The following MORN1 variants were observed in gnomAD, a reference collection of about 807,000 sequenced individuals.
The protein encoded by MORN1 is MORN repeat containing 1.
Under a neutral mutation model 61.9 loss-of-function variants are expected in MORN1, and 67 were observed. That is an observed-to-expected ratio of 1.08 (90% CI 0.89 to 1.33). The LOEUF (loss-of-function observed/expected upper bound fraction) is 1.33, where lower values mean the gene tolerates loss of function less well. MORN1 is among the 40% of genes most tolerant of loss of function. The pLI is 0.00. For missense variants in MORN1, 752 were observed against 691.2 expected (o/e 1.09, Z -0.99); for synonymous variants, 301 against 292.0 (o/e 1.03, Z -0.31).
intron 6 of MORN1, among the ~76,000 whole-genome samples, chr1:2,381,997 CTT>C (rs969815568): frequency 3.9e-5 from 6 of 152,334 alleles, no homozygotes; most frequent in South Asian, 2.1e-4. Context: ...GGTCCTCTCT[CTT>C]GGCCCAGGGC....
chr1:2,389,708 C>T (rs962325551), intron 2 of MORN1, among the ~76,000 whole-genome samples: 2 of 152,248 alleles, frequency 1.3e-5, no homozygotes, highest in African/African-American at 4.8e-5. Flanking sequence ...TTCAAAGTCG[C>T]AGCTTCCTTT....
chr1:2,368,156 G>A (rs1432118576), intron 8 of MORN1, among the ~76,000 whole-genome samples: 1 of 152,258 alleles, frequency 6.6e-6, no homozygotes, highest in African/African-American at 2.4e-5. Flanking sequence ...TAAGGGGCTT[G>A]TGTCTAGAAT....
chr1:2,346,172 C>T (rs1641512437), intron 10 of MORN1, among the ~76,000 whole-genome samples: 1 of 152,052 alleles, frequency 6.6e-6, no homozygotes, highest in African/African-American at 2.4e-5. Flanking sequence ...CAGACAAAGC[C>T]ACCAGGGAAC....
At chr1:2,347,340 G>A (rs1361667419) in intron 10 of MORN1, among the ~76,000 whole-genome samples, 1 of 152,192 alleles carries the variant, frequency 6.6e-6, no homozygotes, top group African/African-American at 2.4e-5. Context: ...AGCTGCAGGT[G>A]GCAGATGGCC....
rs538256790 is a variant in MORN1, at chr1:2,323,198, G to C, written c.1297+899C>G. The C allele has an allele frequency of 1.2e-4, 121 of 985,410 alleles. 1 individual carries two copies. In the African/African-American group the frequency reaches 2.0e-3, roughly 16 times the overall value. The allele number at this position is 985,410 out of a possible 1,614,324, so 61.0% of individuals were successfully genotyped here. A position where few individuals can be genotyped will look rare whatever the true frequency, so the allele number is the denominator to read the frequency against. On this transcript the variant is annotated intron_variant, in intron 13 of 13. Transcript: ENST00000378531. ...GCTGTGGGACCACGGGGGACACCGCGTGGCACTCCAGCCGCTCCCGTCACC... is the reference window on the plus strand; with the variant it reads ...GCTGTGGGACCACGGGGGACACCGCCTGGCACTCCAGCCGCTCCCGTCACC...
chr1:2,387,360 G>C, intron 4 of MORN1, 59 bp downstream of exon 4: 1 of 1,268,046 alleles, frequency 7.9e-7, no homozygotes, highest in Non-Finnish European at 1.1e-6. Context: ...AGTGGACGTA[G>C]GATTCCATGT....
intron 12 of MORN1, chr1:2,326,111 G>A (rs762902003): frequency 7.9e-5 from 12 of 152,220 alleles, no homozygotes; most frequent in Non-Finnish European, 1.5e-4. Flanking sequence ...CCCACCCAGA[G>A]CTCGGAGAGA....
chr1:2,324,177 C>T (rs1351374345), intron 12 of MORN1, 34 bp from the exon 13 acceptor site: 1 of 1,576,314 alleles, frequency 6.3e-7, no homozygotes, highest in Non-Finnish European at 8.6e-7. Context: ...CCCTGAATGC[C>T]CTGCCTGGGC....
In MORN1 at chr1:2,389,983, G is replaced by A. The variant is rs34713178; in HGVS notation, c.90C>T (p.Tyr30=). The A allele has an allele frequency of 1.2e-5, 19 of 1,613,828 alleles. No individual in the cohort carries two copies. In the Admixed American group the frequency reaches 1.5e-4, roughly 13 times the overall value. The stretch of plus-strand genomic sequence containing the variant: ...ATCGAAAGAAGGAATTTGGGTATAC[G>A]TAGACACCATAACCTGAGTATTGAG... The part of the protein sequence containing the change: ...RRPPRNGYGV[Y]VYPNSFFRYE... The change falls in exon 2 of 14, where the codon TAC becomes TAT. Residue 30 remains tyrosine (Y), a synonymous_variant. Coordinates refer to ENST00000378531, the MANE Select transcript of MORN1 (RefSeq NM_024848.3).
intron 12 of MORN1, among the ~76,000 whole-genome samples, chr1:2,331,546 C>T (rs1569921400): frequency 1.3e-5 from 2 of 152,182 alleles, no homozygotes; most frequent in East Asian, 3.9e-4. Context: ...GAGGGCTTCG[C>T]AGGGTCAGAG....
intron 10 of MORN1, among the ~76,000 whole-genome samples, chr1:2,343,112 C>T (rs538266221): frequency 3.3e-5 from 5 of 152,244 alleles, no homozygotes; most frequent in South Asian, 2.1e-4. Context: ...CCTTCCTGAA[C>T]GTTCAGAAAA....
intron 13 of MORN1, 59 bp from the exon 14 acceptor site, chr1:2,321,638 T>C: frequency 7.0e-7 from 1 of 1,425,638 alleles, no homozygotes; most frequent in Non-Finnish European, 9.2e-7. Flanking sequence ...CTCCCTGGCC[T>C]CAGCCCACTG....
chr1:2,326,996 A>T (rs369262852), intron 12 of MORN1, among the ~76,000 whole-genome samples: 16 of 149,610 alleles, frequency 1.1e-4, no homozygotes, highest in African/African-American at 3.6e-4. Flanking sequence ...CCACACAGAG[A>T]CACAGAAACA....
chr1:2,330,957 G>C (rs1286535822), intron 12 of MORN1, among the ~76,000 whole-genome samples: 1 of 152,248 alleles, frequency 6.6e-6, no homozygotes, highest in Non-Finnish European at 1.5e-5. Flanking sequence ...AGAACCGACA[G>C]GGCTTTGTCC....
chr1:2,357,733 G>A lies in MORN1; in HGVS notation c.870-135C>T, dbSNP rs1641806618. 9.6e-7 allele frequency: 1 copy of A among 1,046,054 alleles called. No homozygotes were observed. Among genetic ancestry groups the A allele is most frequent in the Non-Finnish European group, 1.3e-6 (1 of 774,612 alleles). The allele number at this position is 1,046,054 out of a possible 1,614,324, so 64.8% of individuals were successfully genotyped here. A position where few individuals can be genotyped will look rare whatever the true frequency, so the allele number is the denominator to read the frequency against. Reference sequence around the variant, plus strand: ...AGGGAGCGCTACTCAGCCTCTCTGGGAGGTCTCCTGCTGGGATGGGGCCAG... The same window carrying A: ...AGGGAGCGCTACTCAGCCTCTCTGGAAGGTCTCCTGCTGGGATGGGGCCAG... On this transcript the variant is annotated intron_variant, in intron 9 of 13. Coordinates refer to ENST00000378531, the MANE Select transcript of MORN1 (RefSeq NM_024848.3). This position sits in a 1 kb window ranked among gnomAD's most constrained non-coding sequence, Gnocchi z 6.3.
intron 10 of MORN1, among the ~76,000 whole-genome samples, chr1:2,345,107 T>G (rs933733194): frequency 5.9e-5 from 9 of 152,162 alleles, no homozygotes; most frequent in African/African-American, 2.2e-4. Flanking sequence ...TCTACGCTCA[T>G]GGATGGCCAC....
chr1:2,352,083 C>G (rs1641662479), intron 10 of MORN1: 1 of 506,760 alleles, frequency 2.0e-6, no homozygotes, highest in Non-Finnish European at 3.8e-6. Context: ...ATCTCAGTCA[C>G]TTTTTCCCCT....
intron 12 of MORN1, among the ~76,000 whole-genome samples, chr1:2,331,825 TGC>T (rs1369237407): frequency 3.5e-5 from 5 of 144,392 alleles, no homozygotes; most frequent in Non-Finnish European, 7.5e-5. Context: ...CTCCCGCCGC[TGC>T]GCCTCTCCCT....
intron 10 of MORN1, among the ~76,000 whole-genome samples, chr1:2,346,388 G>A (rs2843134): frequency 0.83 from 126,744 of 152,152 alleles, 53,185 homozygotes; most frequent in African/African-American, 0.93. Context: ...TTGTTTTTAT[G>A]TATATTTTAT....
Sources: gnomAD v4.1 joint callset for allele counts (sites outside exome capture counted in the v4.1 genomes callset) on GRCh38, gnomAD v4.1.1 for gene constraint, Gnocchi (gnomAD v3.1) non-coding constraint, MANE v1.5 for transcripts, NCBI Gene and HGNC (gene_info 2026-07-23, HGNC 2026-07-21) for gene names.